The following FRMPD2 variants were observed in gnomAD, a reference collection of about 807,000 sequenced individuals.
The protein encoded by FRMPD2 is FERM and PDZ domain-containing protein 2.
In FRMPD2, 96 loss-of-function variants were observed where a neutral mutation model predicts 140.1. That is an observed-to-expected ratio of 0.69 (90% CI 0.58 to 0.81). The LOEUF is 0.81. Among genes scored for constraint, FRMPD2 ranks in the 40% least tolerant of loss-of-function variants. FRMPD2 has a pLI of 0.00. For missense variants in FRMPD2, 1,240 were observed against 1,447.4 expected, an observed-to-expected ratio of 0.86 and a Z score of 2.32; for synonymous variants, 449 against 547.6, an observed-to-expected ratio of 0.82 and a Z score of 2.52.
At chr10:48,225,122 G>A (rs1196646129) in intron 10 of FRMPD2, among the ~76,000 whole-genome samples, 1 of 152,210 alleles carries the variant, frequency 6.6e-6, no homozygotes, top group African/African-American at 2.4e-5. Flanking sequence ...GGCTGGGAGG[G>A]AGAGGATTTC....
At chr10:48,184,933 G>T in intron 18 of FRMPD2, 52 bp from the exon 19 acceptor site, 1 of 1,373,996 alleles carries the variant, frequency 7.3e-7, no homozygotes. Context: ...TGATTTTGCT[G>T]TTCAGAGAGG....
intron 16 of FRMPD2, among the ~76,000 whole-genome samples, chr10:48,191,063 CTATTT>C (rs1189157106): frequency 6.6e-6 from 1 of 152,236 alleles, no homozygotes; most frequent in African/African-American, 2.4e-5. Context: ...TGACCTGTGA[CTATTT>C]TAACCAGCAG....
At chr10:48,162,896 C>T (rs1312359280) in intron 28 of FRMPD2, among the ~76,000 whole-genome samples, 2 of 90,124 alleles carry the variant, frequency 2.2e-5, no homozygotes, top group Non-Finnish European at 4.2e-5. Context: ...TCAGCCTGGG[C>T]AACATAGTAA....
intron 16 of FRMPD2, among the ~76,000 whole-genome samples, chr10:48,188,407 G>A (rs1267794268): frequency 1.3e-5 from 2 of 152,306 alleles, no homozygotes; most frequent in South Asian, 2.1e-4. Flanking sequence ...GGAGACTGGC[G>A]ACAGATGAGG....
At chr10:48,194,399 T>C (rs1401523859) in intron 15 of FRMPD2, among the ~76,000 whole-genome samples, 2 of 152,172 alleles carry the variant, frequency 1.3e-5, no homozygotes, top group East Asian at 3.8e-4. Flanking sequence ...GGGAGATTTA[T>C]CTGAGACACA....
intron 1 of FRMPD2, among the ~76,000 whole-genome samples, chr10:48,253,890 A>G (rs111685355): frequency 2.6e-5 from 4 of 152,304 alleles, no homozygotes; most frequent in African/African-American, 7.2e-5. Flanking sequence ...GGAAAAGCAC[A>G]TAACTGATCG....
intron 16 of FRMPD2, among the ~76,000 whole-genome samples, chr10:48,191,327 C>T (rs1302342364): frequency 1.3e-5 from 2 of 152,148 alleles, no homozygotes; most frequent in South Asian, 2.1e-4. Flanking sequence ...GGACCCCAGA[C>T]AATACCACAT....
chr10:48,222,279 A>G, intron 12 of FRMPD2, 34 bp downstream of exon 12: 3 of 1,601,740 alleles, frequency 1.9e-6, no homozygotes, highest in Non-Finnish European at 2.6e-6. Flanking sequence ...TTTTCCAGTG[A>G]CCCCACACAA....
chr10:48,231,973 T>A (rs947431441), intron 10 of FRMPD2, 142 bp downstream of exon 10: 1 of 691,968 alleles, frequency 1.4e-6, no homozygotes, highest in African/African-American at 1.8e-5. Context: ...GAAGCCCTCG[T>A]CATGCTGACT....
At chr10:48,185,149 A>T (rs1838649056) in intron 18 of FRMPD2, among the ~76,000 whole-genome samples, 1 of 152,196 alleles carries the variant, frequency 6.6e-6, no homozygotes, top group Non-Finnish European at 1.5e-5. Flanking sequence ...AGATAATGAG[A>T]CATAGGAAAG....
chr10:48,249,422 C>T (rs1840325947), intron 2 of FRMPD2, among the ~76,000 whole-genome samples: 1 of 152,220 alleles, frequency 6.6e-6, no homozygotes, highest in African/African-American at 2.4e-5. Context: ...GCCCAAGAGT[C>T]TCAAGGTAAA....
chr10:48,244,204 C>G (rs897980529), intron 4 of FRMPD2, among the ~76,000 whole-genome samples: 1 of 152,210 alleles, frequency 6.6e-6, no homozygotes, highest in Non-Finnish European at 1.5e-5. Flanking sequence ...AGGCTTGTCT[C>G]GAACTCCTGA....
Position 48,164,578 on chromosome 10 carries a change from C to A in FRMPD2, c.3538-907G>T, listed in dbSNP as rs1364094240. 2.7e-5 allele frequency among the ~76,000 whole-genome samples: 4 copies of A among 149,018 alleles called. 1 individual carries two copies. The highest frequency in any genetic ancestry group is 7.6e-5 in the African/African-American group (3 of 39,692). ...CCCAATGAGTGGTCTCCCCACATTT[C>A]TGATTGTACATCCCTAACAATGAGA... On this transcript the variant is annotated intron_variant, in intron 27 of 28. Coordinates refer to ENST00000374201, the MANE Select transcript of FRMPD2 (RefSeq NM_001018071.4).
chr10:48,237,138 A>G (rs1389663466), intron 8 of FRMPD2, among the ~76,000 whole-genome samples: 1 of 152,048 alleles, frequency 6.6e-6, no homozygotes, highest in Non-Finnish European at 1.5e-5. Context: ...AAAAAAAAAA[A>G]AAAGCTTAAG....
At chr10:48,238,358 C>T (rs756085425) in intron 7 of FRMPD2, among the ~76,000 whole-genome samples, 19 of 152,162 alleles carry the variant, frequency 1.2e-4, no homozygotes, top group African/African-American at 3.6e-4. Flanking sequence ...AAGGCACAGT[C>T]GACTTCTCCA....
intron 2 of FRMPD2, among the ~76,000 whole-genome samples, 163 bp downstream of exon 2, chr10:48,251,403 A>C (rs1482389045): frequency 6.6e-6 from 1 of 152,148 alleles, no homozygotes. Context: ...CTATTCTTCT[A>C]CTCATTCTAA....
chr10:48,192,527 C>T (rs534853465), intron 16 of FRMPD2, among the ~76,000 whole-genome samples, 157 bp downstream of exon 16: 1 of 152,056 alleles, frequency 6.6e-6, no homozygotes, highest in African/African-American at 2.4e-5. Flanking sequence ...GCTGAGGTTG[C>T]GGTGAGCCAA....
At chr10:48,240,267 C>A in intron 6 of FRMPD2, 93 bp downstream of exon 6, 2 of 1,386,720 alleles carry the variant, frequency 1.4e-6, no homozygotes, top group Non-Finnish European at 2.0e-6. Flanking sequence ...CTTTCTCTGC[C>A]ATCACAATGT....
At chr10:48,258,491 T>A (rs1390679839) in intron 1 of FRMPD2, among the ~76,000 whole-genome samples, 1 of 152,160 alleles carries the variant, frequency 6.6e-6, no homozygotes, top group Admixed American at 6.5e-5. Flanking sequence ...CACATCTCAT[T>A]TACCCATCTA....
Sources: allele counts gnomAD v4.1 joint callset (sites outside exome capture counted in the v4.1 genomes callset), GRCh38; gene constraint gnomAD v4.1.1; transcripts MANE v1.5; gene names NCBI Gene and HGNC (gene_info 2026-07-23, HGNC 2026-07-21).